KL: variants seen among roughly 807,000 people sequenced by gnomAD.
The protein encoded by KL is klotho, also known as alpha-klotho.
In KL, 62 loss-of-function variants were observed where a neutral mutation model predicts 84.2. The ratio of observed to expected loss-of-function variants is 0.74; its 90% CI spans 0.60 to 0.91. KL has a LOEUF of 0.91. Ranked by LOEUF, KL falls within the 40% of genes least tolerant of loss-of-function variation. KL has a pLI of 0.00. For synonymous variants in KL, 528 were observed against 528.0 expected (o/e 1.00, Z 0.00); for missense variants, 1,261 against 1,305.7 (o/e 0.97, Z 0.53).
chr13:33,033,967 A>G (rs932206482), intron 1 of KL, among the ~76,000 whole-genome samples: 7 of 152,162 alleles, frequency 4.6e-5, no homozygotes, highest in Non-Finnish European at 1.0e-4. Context: ...ACACACCCTC[A>G]GATTGCCTTC....
intron 1 of KL, among the ~76,000 whole-genome samples, chr13:33,022,825 A>G (rs1192521083): frequency 6.6e-6 from 1 of 152,192 alleles, no homozygotes; most frequent in African/African-American, 2.4e-5. Context: ...TTTTTAATAA[A>G]GGCATAAGTG....
intron 1 of KL, among the ~76,000 whole-genome samples, chr13:33,019,734 A>T (rs9596660): frequency 0.06 from 4,505 of 74,608 alleles, 147 homozygotes; most frequent in African/African-American, 0.13. Context: ...TGTGTGTGTG[A>T]GAGAGAGAGA....
chr13:33,043,297 G>A (rs1156554543), intron 1 of KL, among the ~76,000 whole-genome samples: 1 of 150,052 alleles, frequency 6.7e-6, no homozygotes, highest in Non-Finnish European at 1.5e-5. Flanking sequence ...TCGGCTCACT[G>A]CAACCTCTGC....
At chr13:33,055,869 A>G (rs1185060991) in intron 3 of KL, among the ~76,000 whole-genome samples, 1 of 152,226 alleles carries the variant, frequency 6.6e-6, no homozygotes, top group African/African-American at 2.4e-5. Flanking sequence ...TGATCAACCA[A>G]TATTTATTGA....
intron 1 of KL, among the ~76,000 whole-genome samples, chr13:33,034,080 G>A (rs564479170): frequency 1.1e-4 from 17 of 152,132 alleles, no homozygotes; most frequent in African/African-American, 3.9e-4. Context: ...CTTATAGAGT[G>A]TTAATTAACA....
intron 1 of KL, among the ~76,000 whole-genome samples, chr13:33,017,970 C>T (rs968328881): frequency 1.3e-5 from 2 of 152,238 alleles, no homozygotes; most frequent in African/African-American, 2.4e-5. Flanking sequence ...AAGGGTTCCT[C>T]ACTTATGACA....
At chr13:33,060,397 TCATTAG>T (rs1464640510) in intron 3 of KL, among the ~76,000 whole-genome samples, 3 of 152,316 alleles carry the variant, frequency 2.0e-5, no homozygotes, top group Non-Finnish European at 4.4e-5. Context: ...TGTGCAAGAC[TCATTAG>T]CATTTGTCAT....
At chr13:33,062,773 C>T (rs1181487148) in intron 4 of KL, among the ~76,000 whole-genome samples, 2 of 151,186 alleles carry the variant, frequency 1.3e-5, no homozygotes, top group African/African-American at 2.4e-5. Context: ...TTTGTTCTCT[C>T]TGTGTAGTAA....
rs116289670 is a variant in KL at position 33,017,047 on chromosome 13, G to T, written c.607G>T (p.Ala203Ser). Reference sequence around the variant, plus strand: ...GGACCTGCCCCAGCGCCTGCAGGACGCCTACGGCGGCTGGGCCAACCGCGC... The same window carrying T: ...GGACCTGCCCCAGCGCCTGCAGGACTCCTACGGCGGCTGGGCCAACCGCGC... ...HWDLPQRLQD[A>S]YGGWANRALA... The change falls in exon 1 of 5, where the codon GCC (alanine) becomes TCC (serine). Residue 203 changes from alanine (A) to serine (S), a missense_variant. Coordinates refer to ENST00000380099, the MANE Select transcript of KL (RefSeq NM_004795.4). 1,897 of 1,600,704 alleles carry T rather than the reference G, an allele frequency of 1.2e-3. 18 individuals carry two copies. The African/African-American group carries it at 0.021, about 18-fold the overall frequency.
intron 1 of KL, among the ~76,000 whole-genome samples, chr13:33,022,900 C>T (rs211241): frequency 0.32 from 47,957 of 152,112 alleles, 8,760 homozygotes; most frequent in Admixed American, 0.43. Context: ...TGGAATATTG[C>T]GCTTGCAGTC....
intron 1 of KL, among the ~76,000 whole-genome samples, chr13:33,028,329 T>G (rs1403635601): frequency 2.6e-5 from 4 of 152,180 alleles, no homozygotes. Flanking sequence ...GAATGAAAAT[T>G]ATTTCCAGCC....
Position 33,063,946 on chromosome 13 carries a change from T to A in KL, c.2799T>A (p.Asp933Glu). The A allele has an allele frequency of 1.2e-6, 2 of 1,614,186 alleles. No individual in the cohort carries two copies. The highest frequency in any genetic ancestry group is 1.7e-6 in the Non-Finnish European group (2 of 1,180,024). ...TTGGCCTCTATCGTTATGCTGCAGATCAGTTTGAGCCCAAGGCATCCATGA... is the reference window on the plus strand; with the variant it reads ...TTGGCCTCTATCGTTATGCTGCAGAACAGTTTGAGCCCAAGGCATCCATGA... ...PRFGLYRYAADQFEPKASMKH... is the reference protein window; with the variant it reads ...PRFGLYRYAAEQFEPKASMKH... Residue 933 changes from aspartate to glutamate, a missense_variant, in exon 5 of 5, where the codon GAT becomes GAA. Physicochemically the swap from Asp to Glu is conservative, Grantham distance 45. Coordinates refer to ENST00000380099, the MANE Select transcript of KL (RefSeq NM_004795.4).
At chr13:33,017,342 G>C in intron 1 of KL, 83 bp downstream of exon 1, 1 of 1,282,934 alleles carries the variant, frequency 7.8e-7, no homozygotes, top group Non-Finnish European at 1.1e-6. Context: ...TGGGAACTGA[G>C]TCTCCCCCAG....
At position 33,054,931 on chromosome 13, in the gene KL, A is replaced by T. The variant is rs1293408703; in HGVS notation, c.1331-116A>T. On this transcript the variant is annotated intron_variant, in intron 2 of 4. Coordinates refer to ENST00000380099, the MANE Select transcript of KL (RefSeq NM_004795.4). Reference sequence around the variant, plus strand: ...CAAGAAGAAAAATCATTGGCTTACCAAACGAGAAGCATTACACTTTATTTA... The same window carrying T: ...CAAGAAGAAAAATCATTGGCTTACCTAACGAGAAGCATTACACTTTATTTA... The T allele has an allele frequency of 9.8e-6, 13 of 1,332,174 alleles. No homozygotes were observed. The East Asian group carries it at 3.0e-4, about 31-fold the overall frequency. The allele number at this position is 1,332,174 out of a possible 1,614,324, so 82.5% of individuals were successfully genotyped here. A position where few individuals can be genotyped will look rare whatever the true frequency, so the allele number is the denominator to read the frequency against.
At chr13:33,025,343 G>C (rs949009280) in intron 1 of KL, among the ~76,000 whole-genome samples, 3 of 152,188 alleles carry the variant, frequency 2.0e-5, no homozygotes, top group Admixed American at 2.0e-4. Context: ...ACACAGTTCT[G>C]TGGTTGCAGC....
At chr13:33,030,029 C>T (rs1338613085) in intron 1 of KL, among the ~76,000 whole-genome samples, 2 of 151,852 alleles carry the variant, frequency 1.3e-5, no homozygotes, top group Admixed American at 1.3e-4. Flanking sequence ...AGACTTCTTG[C>T]TGCTTTCTCC....
chr13:33,063,709 G>A (rs747252979), intron 4 of KL, 140 bp from the exon 5 acceptor site: 13 of 765,692 alleles, frequency 1.7e-5, no homozygotes, highest in South Asian at 5.9e-5. Context: ...CCTGGGAGGC[G>A]GAGGTTGCAG....
chr13:33,017,150 T>C lies in KL; in HGVS notation c.710T>C (p.Ile237Thr). ...FGGQVKYWIT[I>T]DNPYVVAWHG... ...GGTCAGGTCAAGTACTGGATCACCA[T>C]CGACAACCCCTACGTGGTGGCCTGG... The change falls in exon 1 of 5, where the codon ATC (isoleucine) becomes ACC (threonine). Residue 237 changes from isoleucine to threonine, a missense_variant. Physicochemically the swap from Ile to Thr is moderately conservative, Grantham distance 89 (BLOSUM62 -1). Transcript: ENST00000380099. 1.9e-6 allele frequency: 3 copies of C among 1,602,088 alleles called. No homozygotes were observed. Among genetic ancestry groups the C allele is most frequent in the Non-Finnish European group, 1.7e-6 (2 of 1,179,772 alleles).
chr13:33,037,150 A>C (rs907177609), intron 1 of KL, among the ~76,000 whole-genome samples: 60 of 152,310 alleles, frequency 3.9e-4, no homozygotes, highest in African/African-American at 1.4e-3. Context: ...CAGTTTTTCT[A>C]TCAGTGTTAG....
Sources: gnomAD v4.1 joint callset for allele counts (sites outside exome capture counted in the v4.1 genomes callset) on GRCh38, gnomAD v4.1.1 for gene constraint, MANE v1.5 for transcripts, NCBI Gene and HGNC (gene_info 2026-07-23, HGNC 2026-07-21) for gene names.